Variants in TBC1D5 observed in about 807,000 individuals in gnomAD.
TBC1D5 encodes the protein TBC1 domain family, member 5.
In TBC1D5, 75 loss-of-function variants were observed where a neutral mutation model predicts 100.3. That is an observed-to-expected ratio of 0.75 (90% CI 0.62 to 0.91). The LOEUF is 0.91. Ranked by LOEUF, TBC1D5 falls within the 40% of genes least tolerant of loss-of-function variation. The pLI, the probability that TBC1D5 is intolerant of heterozygous loss-of-function variation, is 0.00. For synonymous variants in TBC1D5, 323 were observed against 325.6 expected (o/e 0.99, Z 0.09); for missense variants, 910 against 942.4 (o/e 0.97, Z 0.45).
At chr3:17,352,712 C>T (rs113049771) in intron 13 of TBC1D5, among the ~76,000 whole-genome samples, 1 of 102,530 alleles carries the variant, frequency 9.8e-6, no homozygotes, top group African/African-American at 3.8e-5. Context: ...AAAAAACCTA[C>T]TGTGCACTCC....
At chr3:17,418,397 C>A (rs924256547) in intron 4 of TBC1D5, among the ~76,000 whole-genome samples, 3 of 152,036 alleles carry the variant, frequency 2.0e-5, no homozygotes, top group African/African-American at 4.8e-5. Flanking sequence ...CACCTGAGGT[C>A]AGGAGTTCAA....
chr3:17,612,095 TAGG>T (rs951938222), intron 2 of TBC1D5, among the ~76,000 whole-genome samples: 26 of 151,400 alleles, frequency 1.7e-4, no homozygotes, highest in Admixed American at 1.6e-3. Flanking sequence ...AGCCCAGGAG[TAGG>T]AGACCAGCCT....
In TBC1D5 at chr3:17,485,420, T is replaced by G. The variant is rs866895683; in HGVS notation, c.97+23054A>C. On this transcript the variant is annotated intron_variant, in intron 3 of 21. Transcript: ENST00000253692. ...ACATATGTATACATGTGCCATGCTG[T>G]TGTGCTGCACCCATTAACTCGTCAT... Among the ~76,000 whole-genome samples the G allele has an allele frequency of 1.1e-3, 171 of 151,704 alleles. 1 individual carries two copies. Among genetic ancestry groups the G allele is most frequent in the East Asian group, 3.9e-4 (2 of 5,140 alleles).
chr3:17,483,682 A>G (rs1428858488), intron 3 of TBC1D5, among the ~76,000 whole-genome samples: 3 of 152,234 alleles, frequency 2.0e-5, no homozygotes, highest in Non-Finnish European at 4.4e-5. Context: ...CAAATCATTA[A>G]AAGAAGAAGG....
At chr3:17,554,380 C>A (rs2096497728) in intron 2 of TBC1D5, among the ~76,000 whole-genome samples, 2 of 152,160 alleles carry the variant, frequency 1.3e-5, no homozygotes, top group African/African-American at 4.8e-5. Context: ...CTGCTCACAG[C>A]TAATGAAACC....
chr3:17,168,676 G>T (rs914155330), intron 19 of TBC1D5, among the ~76,000 whole-genome samples: 2 of 152,144 alleles, frequency 1.3e-5, no homozygotes, highest in African/African-American at 2.4e-5. Flanking sequence ...AGGAAGGGAG[G>T]AGGGCACAAT....
chr3:17,570,614 C>A (rs1435545242), intron 2 of TBC1D5, among the ~76,000 whole-genome samples: 2 of 152,122 alleles, frequency 1.3e-5, no homozygotes, highest in South Asian at 2.1e-4. Flanking sequence ...ACTAGACCAT[C>A]CTATTTTTAA....
At chr3:17,705,951 TC>T (rs2074092467) in intron 1 of TBC1D5, 1 of 1,297,850 alleles carries the variant, frequency 7.7e-7, no homozygotes, top group Non-Finnish European at 1.0e-6. Flanking sequence ...AGCCGCTGCC[TC>T]CCGGGCGGCG....
chr3:17,678,956 T>C (rs754908611), intron 1 of TBC1D5, among the ~76,000 whole-genome samples: 5 of 151,162 alleles, frequency 3.3e-5, no homozygotes, highest in Non-Finnish European at 7.4e-5. Context: ...AAGCCTTTAA[T>C]ATCTAAAATA....
chr3:17,340,945 G>A (rs112444946), intron 13 of TBC1D5, among the ~76,000 whole-genome samples: 2 of 152,126 alleles, frequency 1.3e-5, no homozygotes, highest in African/African-American at 4.8e-5. Context: ...CTGAACAACA[G>A]GCACTGGCTT....
At chr3:17,713,469 C>T (rs183987225) in intron 1 of TBC1D5, among the ~76,000 whole-genome samples, 7 of 152,176 alleles carry the variant, frequency 4.6e-5, no homozygotes, top group African/African-American at 1.7e-4. Flanking sequence ...GTCTCAAAGT[C>T]CTGACCTCAT....
chr3:17,202,340 A>T (rs1223686877), intron 18 of TBC1D5, among the ~76,000 whole-genome samples: 3 of 152,338 alleles, frequency 2.0e-5, no homozygotes, highest in East Asian at 3.9e-4. Context: ...ATATGGTCAT[A>T]GGCATGAGCA....
intron 15 of TBC1D5, among the ~76,000 whole-genome samples, chr3:17,278,739 T>C (rs1418892207): frequency 1.3e-5 from 2 of 152,262 alleles, no homozygotes; most frequent in East Asian, 3.8e-4. Flanking sequence ...CCACCAATTA[T>C]GCCAAGGTTT....
At chr3:17,214,460 A>G (rs1431557024) in intron 17 of TBC1D5, 90 bp from the exon 19 acceptor site, 8 of 1,331,726 alleles carry the variant, frequency 6.0e-6, no homozygotes, top group Non-Finnish European at 8.3e-6. Context: ...ATGATCAATT[A>G]TGATGCCACT....
intron 13 of TBC1D5, chr3:17,340,822 T>A (rs1487597577): frequency 6.6e-6 from 1 of 152,200 alleles, no homozygotes; most frequent in Non-Finnish European, 1.5e-5. Flanking sequence ...CATACATTTA[T>A]AAAATAAGTA....
At chr3:17,541,919 T>C (rs1481037958) in intron 2 of TBC1D5, among the ~76,000 whole-genome samples, 1 of 152,358 alleles carries the variant, frequency 6.6e-6, no homozygotes, top group African/African-American at 2.4e-5. Context: ...TTTTCCTATA[T>C]GTACACACCT....
At chr3:17,268,625 A>C (rs1165462797) in intron 15 of TBC1D5, among the ~76,000 whole-genome samples, 1 of 151,714 alleles carries the variant, frequency 6.6e-6, no homozygotes, top group Non-Finnish European at 1.5e-5. Flanking sequence ...CTGTAATCGG[A>C]TAGGAAAACT....
At chr3:17,504,452 C>A (rs60882630) in intron 3 of TBC1D5, among the ~76,000 whole-genome samples, 10,410 of 151,672 alleles carry the variant, frequency 0.069, 688 homozygotes, top group African/African-American at 0.18. Flanking sequence ...AAATTAAAAA[C>A]AAAATAAAAA....
At chr3:17,372,372 A>T in intron 12 of TBC1D5, 125 bp from the exon 13 acceptor site, 1 of 817,594 alleles carries the variant, frequency 1.2e-6, no homozygotes, top group Non-Finnish European at 1.7e-6. Flanking sequence ...CATTCTTAAA[A>T]AAAGGTGAGA....
Sources: allele counts gnomAD v4.1 joint callset (sites outside exome capture counted in the v4.1 genomes callset), GRCh38; gene constraint gnomAD v4.1.1; transcripts MANE v1.5; gene names NCBI Gene and HGNC (gene_info 2026-07-23, HGNC 2026-07-21).